ANPEP: variants seen among roughly 807,000 people sequenced by gnomAD.
ANPEP encodes the protein alanyl aminopeptidase, membrane, also known as aminopeptidase N.
A neutral mutation model predicts 114.6 loss-of-function variants in ANPEP; 70 were observed. The observed-to-expected ratio is 0.61, with a 90% CI of 0.50 to 0.75. The LOEUF (loss-of-function observed/expected upper bound fraction) is 0.75. Among genes scored for constraint, ANPEP ranks in the 30% least tolerant of loss-of-function variants. ANPEP has a pLI of 0.00. For synonymous variants in ANPEP, 548 were observed against 522.3 expected (o/e 1.05, Z -0.67); for missense variants, 1,184 against 1,259.5 (o/e 0.94, Z 0.91).
chr15:89,791,224 C>T (rs1198837493), intron 18 of ANPEP, 131 bp from the exon 19 acceptor site: 4 of 1,039,200 alleles, frequency 3.8e-6, no homozygotes, highest in South Asian at 3.2e-5. Context: ...GGCTGAGGGA[C>T]CCCTTGGTCC....
In ANPEP at chr15:89,803,933, C is replaced by T. The variant is rs373183009; in HGVS notation, c.1249G>A (p.Val417Met). The change falls in exon 7 of 21, where the codon GTG (valine) becomes ATG (methionine). Residue 417 changes from valine (V) to methionine (M), a missense_variant. Transcript: ENST00000300060. The surrounding 1 kb of genome is among the most constrained non-coding windows in gnomAD (Gnocchi z 4.2). ...GCATAGTCAGCACCCAGGTACTCCACGTAGGAGGCGAAGCCCTCGTTCAGC... is the reference window on the plus strand; with the variant it reads ...GCATAGTCAGCACCCAGGTACTCCATGTAGGAGGCGAAGCCCTCGTTCAGC... ...LWLNEGFASY[V>M]EYLGADYAEP... The T allele has an allele frequency of 2.7e-5, 43 of 1,614,196 alleles. No homozygotes were observed. The Middle Eastern group carries it at 8.2e-4, about 31-fold the overall frequency.
chr15:89,813,992 G>GGGC (rs1555442932), intron 1 of ANPEP, among the ~76,000 whole-genome samples: 2 of 83,010 alleles, frequency 2.4e-5, no homozygotes, highest in African/African-American at 2.4e-4. Context: ...CCGCACTGCT[G>GGGC]GGGGGGGGGG....
In ANPEP at chr15:89,806,327, C is replaced by A; in HGVS notation, c.257G>T (p.Arg86Leu). 6 of 1,613,862 alleles carry A rather than the reference C, an allele frequency of 3.7e-6. No homozygotes were observed. Among genetic ancestry groups the A allele is most frequent in the Non-Finnish European group, 4.2e-6 (5 of 1,179,936 alleles). ...GGTGAGGTACGGTCTCAGCGTCACCCGGTAGGAATCGGGTTTCAGCGTGTT... is the reference window on the plus strand; with the variant it reads ...GGTGAGGTACGGTCTCAGCGTCACCAGGTAGGAATCGGGTTTCAGCGTGTT... Reference protein sequence around the residue: ...LPNTLKPDSYRVTLRPYLTPN... With the variant: ...LPNTLKPDSYLVTLRPYLTPN... The change falls in exon 2 of 21, where the codon CGG (arginine) becomes CTG (leucine). Residue 86 changes from arginine to leucine, a missense_variant. Arg to Leu is a moderately radical substitution (Grantham distance 102). Coordinates refer to ENST00000300060, the MANE Select transcript of ANPEP (RefSeq NM_001150.3). This position sits in a 1 kb window ranked among gnomAD's most constrained non-coding sequence, Gnocchi z 5.7.
chr15:89,813,241 C>T (rs1894846895), intron 1 of ANPEP, among the ~76,000 whole-genome samples: 2 of 152,298 alleles, frequency 1.3e-5, no homozygotes, highest in South Asian at 4.1e-4. Flanking sequence ...AGGAACTGGA[C>T]CCAGTTCCAA....
rs181852127 is a variant in ANPEP at position 89,799,614 on chromosome 15, C to T, written c.1820-55G>A. 6.0e-4 allele frequency: 961 copies of T among 1,608,546 alleles called. 6 individuals carry two copies. The African/African-American group carries it at 0.011, about 18-fold the overall frequency. On this transcript the variant is annotated intron_variant, in intron 12 of 20. Transcript: ENST00000300060. The surrounding 1 kb of genome is among the most constrained non-coding windows in gnomAD (Gnocchi z 4.2). ...CTGCTCAGAGGCCATGGGCTGACCC[C>T]TGGACCTCTTGCAAGAGCAGCTGCC... is the stretch of plus-strand genomic sequence containing the variant.
Position 89,792,500 on chromosome 15 carries a change from A to G in ANPEP, c.2312T>C (p.Met771Thr). 1.2e-6 allele frequency: 2 copies of G among 1,614,146 alleles called. No homozygotes were observed. Among genetic ancestry groups the G allele is most frequent in the Non-Finnish European group, 1.7e-6 (2 of 1,180,002 alleles). ...CCACTGCTTGAAAAGGCCAGAGACC[A>G]TCTCCTCACACTCTGGAACTCCGTT... ...CSNGVPECEE[M>T]VSGLFKQWME... is the part of the protein sequence containing the mutation. Residue 771 changes from methionine to threonine, a missense_variant, in exon 17 of 21, where the codon ATG (methionine) becomes ACG (threonine). Met to Thr is a moderately conservative substitution (Grantham distance 81, BLOSUM62 -1). Transcript: ENST00000300060.
intron 15 of ANPEP, among the ~76,000 whole-genome samples, chr15:89,795,372 G>A (rs1489673570): frequency 6.6e-6 from 1 of 152,138 alleles, no homozygotes; most frequent in African/African-American, 2.4e-5. Context: ...GTTCCAGAAA[G>A]AGATAACTGG....
At chr15:89,792,904 G>A (rs971770016) in intron 16 of ANPEP, 131 bp downstream of exon 16, 2 of 819,670 alleles carry the variant, frequency 2.4e-6, no homozygotes, top group Non-Finnish European at 4.0e-6. Context: ...GGACCTCCCT[G>A]CTCCTGGGTG....
chr15:89,788,380 T>G (rs551835335), intron 20 of ANPEP, among the ~76,000 whole-genome samples: 4 of 152,302 alleles, frequency 2.6e-5, no homozygotes, highest in African/African-American at 9.6e-5. Context: ...AAAAAGGCTG[T>G]GTGTATATGA....
intron 1 of ANPEP, among the ~76,000 whole-genome samples, chr15:89,809,498 TATA>T (rs1019221266): frequency 1.3e-5 from 2 of 152,234 alleles, no homozygotes; most frequent in Non-Finnish European, 2.9e-5. Context: ...AAGTTGGCTC[TATA>T]ATGAGAGGTC....
chr15:89,805,602 C>G, intron 2 of ANPEP, 139 bp from the exon 3 acceptor site: 4 of 1,286,474 alleles, frequency 3.1e-6, no homozygotes, highest in Non-Finnish European at 3.2e-6. Context: ...CCACCCCCGC[C>G]TCGCCGGGAG....
rs760700420 is a variant in ANPEP at position 89,806,361 on chromosome 15, G to A, written c.223C>T (p.Arg75Cys). 15 of 1,614,050 alleles carry A rather than the reference G, an allele frequency of 9.3e-6. No homozygotes were observed. Among genetic ancestry groups the A allele is most frequent in the East Asian group, 2.2e-5 (1 of 44,902 alleles). ...LDQSKAWNRY[R>C]LPNTLKPDSY... ...TCGGGTTTCAGCGTGTTGGGGAGGC[G>A]GTAACGATTCCACGCTTTACTTTGG... is the stretch of plus-strand genomic sequence containing the variant. Residue 75 changes from arginine to cysteine, a missense_variant, in exon 2 of 21, where the codon CGC (arginine) becomes TGC (cysteine). Physicochemically the swap from Arg to Cys is radical, Grantham distance 180. Coordinates refer to ENST00000300060, the MANE Select transcript of ANPEP (RefSeq NM_001150.3). The surrounding 1 kb of genome is among the most constrained non-coding windows in gnomAD (Gnocchi z 5.7).
At chr15:89,798,856 T>C (rs189700036) in intron 14 of ANPEP, among the ~76,000 whole-genome samples, 1 of 152,292 alleles carries the variant, frequency 6.6e-6, no homozygotes, top group East Asian at 1.9e-4. Flanking sequence ...AGAGAATCGC[T>C]TGAACCTGGG....
At chr15:89,810,056 C>T (rs1360196184) in intron 1 of ANPEP, among the ~76,000 whole-genome samples, 9 of 152,158 alleles carry the variant, frequency 5.9e-5, no homozygotes, top group Non-Finnish European at 1.3e-4. Flanking sequence ...CCCCAGTCTC[C>T]AGTTCCCACC....
chr15:89,790,427 G>C (rs1968598200), intron 20 of ANPEP, 33 bp downstream of exon 20: 1 of 1,599,414 alleles, frequency 6.3e-7, no homozygotes, highest in African/African-American at 1.3e-5. Context: ...GAAGGAAGTA[G>C]GCAGAGCCCA....
chr15:89,805,420 A>G lies in ANPEP; in HGVS notation c.658T>C (p.Ser220Pro). The change falls in exon 3 of 21, where the codon TCC becomes CCC. Residue 220 changes from serine to proline, a missense_variant. By Grantham distance (74) the Ser-to-Pro change is moderately conservative (BLOSUM62 -1). Transcript: ENST00000300060. ...GCCGGCTCATCGAAGCATGGGAAGG[A>G]CTTCCGGGCATCTGCAGCCTGCATC... ...TQMQAADARK[S>P]FPCFDEPAMK... The G allele has an allele frequency of 6.2e-7, 1 of 1,614,108 alleles. No homozygotes were observed. The highest frequency in any genetic ancestry group is 8.5e-7 in the Non-Finnish European group (1 of 1,179,988).
intron 18 of ANPEP, among the ~76,000 whole-genome samples, chr15:89,791,599 A>ATTTTTTTTTTTTT (rs10596905): frequency 1.5e-5 from 2 of 135,280 alleles, no homozygotes; most frequent in African/African-American, 5.4e-5. Flanking sequence ...CACCATGCCT[A>ATTTTTTTTTTTTT]TTTTTTTTTT....
chr15:89,810,455 C>T (rs1447721429), intron 1 of ANPEP, among the ~76,000 whole-genome samples: 1 of 152,070 alleles, frequency 6.6e-6, no homozygotes, highest in Non-Finnish European at 1.5e-5. Context: ...CCTGTAGTCC[C>T]AGCTACTTGG....
intron 1 of ANPEP, among the ~76,000 whole-genome samples, chr15:89,808,150 C>T (rs569166699): frequency 2.0e-5 from 3 of 152,320 alleles, no homozygotes; most frequent in South Asian, 4.1e-4. Flanking sequence ...GGCCTCTTCC[C>T]CCCTGTTGCA....
Sources: gnomAD v4.1 joint callset for allele counts (sites outside exome capture counted in the v4.1 genomes callset) on GRCh38, gnomAD v4.1.1 for gene constraint, Gnocchi (gnomAD v3.1) non-coding constraint, MANE v1.5 for transcripts, NCBI Gene and HGNC (gene_info 2026-07-23, HGNC 2026-07-21) for gene names.